Variants in AP4E1 observed in about 807,000 individuals in gnomAD.
AP4E1 encodes the protein AP-4 complex subunit epsilon-1.
In AP4E1, 56 loss-of-function variants were observed where a neutral mutation model predicts 128.2. That is an observed-to-expected ratio of 0.44 (90% CI 0.35 to 0.55). The LOEUF (loss-of-function observed/expected upper bound fraction) is 0.55. Among genes scored for constraint, AP4E1 ranks in the 20% least tolerant of loss-of-function variants. The probability of loss-of-function intolerance (pLI) is 0.00; values close to 1 mark genes in which losing one functional copy is unlikely to be tolerated. For missense variants in AP4E1, 1,324 were observed against 1,307.7 expected (o/e 1.01, Z -0.19); for synonymous variants, 484 against 473.1 (o/e 1.02, Z -0.30).
At chr15:50,907,934 C>T (rs1023758901), upstream of AP4E1, among the ~76,000 whole-genome samples, 2 of 152,228 alleles carry the variant, frequency 1.3e-5, no homozygotes, top group Non-Finnish European at 2.9e-5. Context: ...CAACTGCGAC[C>T]TGTTCTAAAG....
At chr15:50,973,723 A>G (rs574205104) in intron 15 of AP4E1, among the ~76,000 whole-genome samples, 1 of 152,254 alleles carries the variant, frequency 6.6e-6, no homozygotes, top group African/African-American at 2.4e-5. Flanking sequence ...AGTTTCATCT[A>G]TGTTGTCGTA....
rs1444958969 is a variant in AP4E1, at chr15:50,942,237, T to A, written c.1176+462T>A. On this transcript the variant is annotated intron_variant, in intron 10 of 20. Coordinates refer to ENST00000261842, the MANE Select transcript of AP4E1 (RefSeq NM_007347.5). ...TGGCTTATTTATTTTTACTAAAGTT[T>A]AAGTAACTTTTCTAAAAAGTACTAT... Among the ~76,000 whole-genome samples the A allele has an allele frequency of 1.3e-5, 2 of 152,168 alleles. 1 individual carries two copies. Among genetic ancestry groups the A allele is most frequent in the East Asian group, 3.9e-4 (2 of 5,194 alleles).
chr15:50,945,477 C>A, intron 10 of AP4E1: 1 of 767,356 alleles, frequency 1.3e-6, no homozygotes, highest in Non-Finnish European at 2.4e-6. Flanking sequence ...GTGCACTGGA[C>A]ACTCCTGTAA....
chr15:50,978,782 C>T (rs944709711), intron 15 of AP4E1, among the ~76,000 whole-genome samples: 5 of 152,118 alleles, frequency 3.3e-5, no homozygotes, highest in African/African-American at 1.2e-4. Flanking sequence ...CATTTTTCTC[C>T]TTCTGTTCCA....
intron 3 of AP4E1, among the ~76,000 whole-genome samples, chr15:50,920,571 T>A (rs1264490868): frequency 6.6e-6 from 1 of 151,716 alleles, no homozygotes; most frequent in East Asian, 1.9e-4. Context: ...CGTGCCTGGC[T>A]AATTTTTTGG....
At chr15:50,952,274 G>A (rs959572218) in intron 13 of AP4E1, among the ~76,000 whole-genome samples, 2 of 152,096 alleles carry the variant, frequency 1.3e-5, no homozygotes, top group Non-Finnish European at 2.9e-5. Flanking sequence ...ACTTTGGGAT[G>A]CCGAGGTGGG....
chr15:50,910,535 AAGAC>A (rs1157320891), intron 1 of AP4E1, among the ~76,000 whole-genome samples: 3 of 152,374 alleles, frequency 2.0e-5, no homozygotes, highest in Admixed American at 1.3e-4. Flanking sequence ...AAGAGAAGGA[AAGAC>A]AGAAAAGAAA....
chr15:50,962,978 G>A (rs1041800444), intron 14 of AP4E1, among the ~76,000 whole-genome samples: 1 of 145,984 alleles, frequency 6.9e-6, no homozygotes, highest in African/African-American at 2.6e-5. Context: ...TACACAAATG[G>A]CCAACAGGTA....
Position 50,929,088 on chromosome 15 carries a change from A to G in AP4E1, c.622A>G (p.Ile208Val). The change falls in exon 6 of 21, where the codon ATT (isoleucine) becomes GTT (valine). Residue 208 changes from isoleucine (I) to valine (V), a missense_variant. Ile to Val is a conservative substitution (Grantham distance 29). Transcript: ENST00000261842. ...TCCTAATCAAGTACAACATATTCAT[A>G]TTAAGTTTCGGAAAGCACTTTGTGA... Reference protein sequence around the residue: ...IAPNQVQHIHIKFRKALCDRD... With the variant: ...IAPNQVQHIHVKFRKALCDRD... The G allele has an allele frequency of 2.5e-6, 4 of 1,613,900 alleles. No homozygotes were observed. Among genetic ancestry groups the G allele is most frequent in the Admixed American group, 1.7e-5 (1 of 60,026 alleles).
upstream of AP4E1, among the ~76,000 whole-genome samples, chr15:50,908,023 G>C (rs993925660): frequency 3.3e-5 from 5 of 152,214 alleles, no homozygotes; most frequent in African/African-American, 1.2e-4. Context: ...GTGGGCTCTA[G>C]AAGGATGACC....
At chr15:50,952,953 G>C (rs1033865104) in intron 13 of AP4E1, among the ~76,000 whole-genome samples, 1 of 152,120 alleles carries the variant, frequency 6.6e-6, no homozygotes, top group Non-Finnish European at 1.5e-5. Flanking sequence ...GCCTGGTGCA[G>C]TGGTTCATGC....
intron 3 of AP4E1, among the ~76,000 whole-genome samples, chr15:50,916,661 A>G (rs987079017): frequency 3.3e-5 from 5 of 152,224 alleles, no homozygotes; most frequent in African/African-American, 1.2e-4. Flanking sequence ...AGTGCACACA[A>G]TATTCCACTT....
Position 50,948,176 on chromosome 15 carries a change from A to G in AP4E1, c.1316+17A>G. 3.7e-6 allele frequency: 6 copies of G among 1,613,446 alleles called. No individual in the cohort carries two copies. The highest frequency in any genetic ancestry group is 5.1e-6 in the Non-Finnish European group (6 of 1,179,764). On this transcript the variant is annotated intron_variant, in intron 11 of 20. Coordinates refer to ENST00000261842, the MANE Select transcript of AP4E1 (RefSeq NM_007347.5). Reference sequence around the variant, plus strand: ...GGCTGAGAAATATCCTTTTATTTCGACCATGAGTCTTAAAATAGTTAGTTA... The same window carrying G: ...GGCTGAGAAATATCCTTTTATTTCGGCCATGAGTCTTAAAATAGTTAGTTA...
rs757078618 is a variant in AP4E1, at chr15:51,002,584, C to T, written c.3336C>T (p.Ala1112=). 3.1e-6 allele frequency: 5 copies of T among 1,614,012 alleles called. No individual in the cohort carries two copies. In the East Asian group the frequency reaches 8.9e-5, roughly 29 times the overall value. The change falls in exon 21 of 21, where the codon GCC becomes GCT. Residue 1112 remains alanine (A), a synonymous_variant. Transcript: ENST00000261842. Reference sequence around the variant, plus strand: ...GCCGAGTTCATGCAGATGTATTAGCCCTGTGGTTCAGATCCTCCTGTTCTA... The same window carrying T: ...GCCGAGTTCATGCAGATGTATTAGCTCTGTGGTTCAGATCCTCCTGTTCTA... ...LHCRVHADVL[A]LWFRSSCSTL...
At chr15:50,935,513 G>A (rs2063896760) in intron 8 of AP4E1, among the ~76,000 whole-genome samples, 1 of 152,114 alleles carries the variant, frequency 6.6e-6, no homozygotes, top group African/African-American at 2.4e-5. Context: ...ATTAGCCTGA[G>A]AAAGCTCAGT....
intron 17 of AP4E1, among the ~76,000 whole-genome samples, chr15:50,993,892 A>G (rs1427822199): frequency 6.6e-6 from 1 of 152,242 alleles, no homozygotes; most frequent in Non-Finnish European, 1.5e-5. Flanking sequence ...ATAAGGTTAC[A>G]GGTATGACCA....
intron 7 of AP4E1, among the ~76,000 whole-genome samples, chr15:50,931,390 A>G (rs555839740): frequency 2.6e-5 from 4 of 152,022 alleles, no homozygotes; most frequent in Non-Finnish European, 4.4e-5. Flanking sequence ...ACATTGTGAA[A>G]CCCCGTCTCT....
intron 7 of AP4E1, among the ~76,000 whole-genome samples, chr15:50,932,706 A>C (rs1432268902): frequency 6.6e-6 from 1 of 152,134 alleles, no homozygotes; most frequent in East Asian, 1.9e-4. Context: ...TAAGGTCAGA[A>C]TCCATTTGCC....
At chr15:50,980,834 CA>C (rs1236119283) in intron 15 of AP4E1, among the ~76,000 whole-genome samples, 1 of 152,158 alleles carries the variant, frequency 6.6e-6, no homozygotes. Context: ...CCAGAAGATT[CA>C]AGCCATAAAC....
Sources: allele counts gnomAD v4.1 joint callset (sites outside exome capture counted in the v4.1 genomes callset), GRCh38; gene constraint gnomAD v4.1.1; transcripts MANE v1.5; gene names NCBI Gene and HGNC (gene_info 2026-07-23, HGNC 2026-07-21).